The following KBTBD2 variants were observed in gnomAD, a reference collection of about 807,000 sequenced individuals.
The protein encoded by KBTBD2 is kelch repeat and BTB domain-containing protein 2.
KBTBD2 carries 17 observed loss-of-function variants against 57.1 expected under a neutral mutation model. The ratio of observed to expected loss-of-function variants is 0.30; its 90% CI spans 0.20 to 0.45. The LOEUF (loss-of-function observed/expected upper bound fraction) is 0.45. Ranked by LOEUF, KBTBD2 falls within the 20% of genes least tolerant of loss-of-function variation. KBTBD2 has a pLI of 1.00. For synonymous variants in KBTBD2, 267 were observed against 262.7 expected (o/e 1.02, Z -0.16); for missense variants, 515 against 750.6 (o/e 0.69, Z 3.67).
At chr7:32,885,094 T>G (rs1020176251) in intron 1 of KBTBD2, among the ~76,000 whole-genome samples, 1 of 151,170 alleles carries the variant, frequency 6.6e-6, no homozygotes, top group South Asian at 2.1e-4. Flanking sequence ...CAGGCTGGTC[T>G]TGAACTCCTA....
chr7:32,875,057 T>C lies in KBTBD2; in HGVS notation c.271A>G (p.Thr91Ala). The change falls in exon 3 of 4, where the codon ACG becomes GCG. Residue 91 changes from threonine (T) to alanine (A), a missense_variant. By Grantham distance (58) the Thr-to-Ala change is moderately conservative. Transcript: ENST00000304056. Reference protein sequence around the residue: ...TLQIIITYAYTGNLAMNDSTV... With the variant: ...TLQIIITYAYAGNLAMNDSTV... The stretch of plus-strand genomic sequence containing the variant: ...CTGTCATTCATTGCCAAGTTACCCG[T>C]GTATGCATAAGTTATTATTATCTGT... The C allele has an allele frequency of 6.2e-7, 1 of 1,614,134 alleles. No homozygotes were observed. The highest frequency in any genetic ancestry group is 8.5e-7 in the Non-Finnish European group (1 of 1,179,958).
At chr7:32,887,204 A>C (rs1784601290) in intron 1 of KBTBD2, among the ~76,000 whole-genome samples, 1 of 152,216 alleles carries the variant, frequency 6.6e-6, no homozygotes, top group South Asian at 2.1e-4. Context: ...TGGATGAAAA[A>C]GGAAGAAAGG....
Position 32,873,549 on chromosome 7 carries a change from T to C in KBTBD2, c.336+1443A>G, listed in dbSNP as rs533280761. Among the ~76,000 whole-genome samples, 117 of 152,026 alleles carry C rather than the reference T, an allele frequency of 7.7e-4. 1 individual carries two copies. Among genetic ancestry groups the C allele is most frequent in the African/African-American group, 2.6e-3 (107 of 41,450 alleles). The stretch of plus-strand genomic sequence containing the variant: ...AGGAGTTCCAGACCGGCCTGGCCAA[T>C]GTGGTGAAACCCCACCTCAACTAAA... On this transcript the variant is annotated intron_variant, in intron 3 of 3. Transcript: ENST00000304056.
intron 1 of KBTBD2, among the ~76,000 whole-genome samples, chr7:32,883,108 C>T (rs567508800): frequency 2.7e-5 from 4 of 149,898 alleles, no homozygotes; most frequent in African/African-American, 7.4e-5. Flanking sequence ...TGGTAACTCA[C>T]GCCTGTAATC....
intron 2 of KBTBD2, 116 bp from the exon 3 acceptor site, chr7:32,875,273 A>G: frequency 1.0e-6 from 1 of 981,646 alleles, no homozygotes; most frequent in Middle Eastern, 2.2e-4. Context: ...CTTATAAGAG[A>G]AACTTTTTCT....
chr7:32,890,773 A>G (rs1784712360), intron 1 of KBTBD2, among the ~76,000 whole-genome samples: 1 of 152,186 alleles, frequency 6.6e-6, no homozygotes, highest in African/African-American at 2.4e-5. Flanking sequence ...TCACCGTGGT[A>G]GCCCGTGGGA....
intron 3 of KBTBD2, among the ~76,000 whole-genome samples, chr7:32,871,732 T>C (rs927422621): frequency 6.6e-6 from 1 of 152,164 alleles, no homozygotes; most frequent in African/African-American, 2.4e-5. Flanking sequence ...GATGAGAATA[T>C]ATATAAAGTA....
intron 1 of KBTBD2, among the ~76,000 whole-genome samples, chr7:32,887,292 A>T (rs985494222): frequency 6.6e-6 from 1 of 152,228 alleles, no homozygotes; most frequent in African/African-American, 2.4e-5. Context: ...TCCATTGGAC[A>T]GGAGGAATAA....
chr7:32,870,076 A>G lies in KBTBD2; in HGVS notation c.1141T>C (p.Tyr381His). The stretch of plus-strand genomic sequence containing the variant: ...CTATCTCCTCCAATTGCATAGATAT[A>G]GCCTTCACAGCAAACCAAAGATGGC... ...IKPSLVCCEG[Y>H]IYAIGGDSVG... Residue 381 changes from tyrosine (Y) to histidine (H), a missense_variant, in exon 4 of 4, where the codon TAT becomes CAT. Tyr to His is a moderately conservative substitution (Grantham distance 83). Transcript: ENST00000304056. 1 of 1,614,208 alleles carries G rather than the reference A, an allele frequency of 6.2e-7. No homozygotes were observed. Among genetic ancestry groups the G allele is most frequent in the Non-Finnish European group, 8.5e-7 (1 of 1,180,030 alleles).
chr7:32,879,320 C>T, intron 2 of KBTBD2, 115 bp downstream of exon 2: 1 of 685,692 alleles, frequency 1.5e-6, no homozygotes, highest in Non-Finnish European at 2.4e-6. Context: ...CCAAGTACTA[C>T]ATCATCTGAA....
intron 2 of KBTBD2, among the ~76,000 whole-genome samples, chr7:32,875,883 TG>T (rs1407548076): frequency 6.6e-6 from 1 of 152,168 alleles, no homozygotes; most frequent in Non-Finnish European, 1.5e-5. Context: ...TCCTTAGAAC[TG>T]TAAGAATGGG....
At chr7:32,887,585 G>C (rs1304614296) in intron 1 of KBTBD2, among the ~76,000 whole-genome samples, 1 of 152,162 alleles carries the variant, frequency 6.6e-6, no homozygotes, top group Non-Finnish European at 1.5e-5. Context: ...GGGGCAGTGC[G>C]GCTATAAATC....
At chr7:32,891,817 AGCCGCGCCGCCCGCCCGCCCGC>A (rs1784757030), upstream of KBTBD2, 1 of 141,198 alleles carries the variant, frequency 7.1e-6, no homozygotes, top group Non-Finnish European at 1.5e-5. Context: ...CTCCCCCGGG[AGCCGCGCCGCCCGCCCGCCCGC>A]GCCGCCTTGT....
chr7:32,878,146 G>T (rs1047507852), intron 2 of KBTBD2, among the ~76,000 whole-genome samples: 18 of 151,782 alleles, frequency 1.2e-4, no homozygotes, highest in African/African-American at 4.4e-4. Flanking sequence ...CATAGCAAAG[G>T]CAACAACTGG....
chr7:32,881,934 T>TA lies in KBTBD2; in HGVS notation c.-338-1993_-338-1992insT, dbSNP rs1327793294. On this transcript the variant is annotated intron_variant, in intron 1 of 3. Coordinates refer to ENST00000304056, the MANE Select transcript of KBTBD2 (RefSeq NM_015483.3). The stretch of plus-strand genomic sequence containing the variant: ...ATTGTGACACATGTACCCTACATTA[T>TA]GAAATCCTCTCAAGAAGTCTCAGGT... 1.2e-4 allele frequency among the ~76,000 whole-genome samples: 18 copies of TA among 152,230 alleles called. 1 individual carries two copies. The highest frequency in any genetic ancestry group is 4.1e-4 in the African/African-American group (17 of 41,456).
chr7:32,884,178 T>C (rs969353470), intron 1 of KBTBD2, among the ~76,000 whole-genome samples: 1 of 152,178 alleles, frequency 6.6e-6, no homozygotes, highest in Non-Finnish European at 1.5e-5. Context: ...TTAAACCTTC[T>C]GGATTTTCTT....
At chr7:32,889,704 G>C (rs1263931727) in intron 1 of KBTBD2, among the ~76,000 whole-genome samples, 1 of 152,172 alleles carries the variant, frequency 6.6e-6, no homozygotes, top group Non-Finnish European at 1.5e-5. Flanking sequence ...GCTAACAAAG[G>C]ACTTTGAAAT....
chr7:32,887,453 C>T (rs1252032255), intron 1 of KBTBD2, among the ~76,000 whole-genome samples: 5 of 152,180 alleles, frequency 3.3e-5, no homozygotes, highest in Non-Finnish European at 7.4e-5. Flanking sequence ...TTAATCATTC[C>T]TCAATGTGTA....
chr7:32,891,345 G>A (rs1416330296), intron 1 of KBTBD2, among the ~76,000 whole-genome samples, 191 bp downstream of exon 1: 1 of 147,898 alleles, frequency 6.8e-6, no homozygotes, highest in South Asian at 2.1e-4. Context: ...TGCGGAGGGC[G>A]GCGCCGGCCG....
Sources: gnomAD v4.1 joint callset for allele counts (sites outside exome capture counted in the v4.1 genomes callset) on GRCh38, gnomAD v4.1.1 for gene constraint, MANE v1.5 for transcripts, NCBI Gene and HGNC (gene_info 2026-07-23, HGNC 2026-07-21) for gene names.